The following NR2C1 variants were observed in gnomAD, a reference collection of about 807,000 sequenced individuals.
The protein encoded by NR2C1 is TR2 nuclear hormone receptor.
Under a neutral mutation model 74.8 loss-of-function variants are expected in NR2C1, and 33 were observed. The ratio of observed to expected loss-of-function variants is 0.44; its 90% confidence interval spans 0.33 to 0.59. NR2C1 has a LOEUF of 0.59. Among genes scored for constraint, NR2C1 ranks in the 20% least tolerant of loss-of-function variants. The pLI, the probability that NR2C1 is intolerant of heterozygous loss-of-function variation, is 0.02. For missense variants in NR2C1, 568 were observed against 715.6 expected (o/e 0.79, Z 2.35); for synonymous variants, 225 against 240.6 (o/e 0.94, Z 0.60).
At chr12:95,059,532 T>G (rs1592781410) in intron 4 of NR2C1, among the ~76,000 whole-genome samples, 1 of 151,764 alleles carries the variant, frequency 6.6e-6, no homozygotes, top group South Asian at 2.1e-4. Flanking sequence ...GCCAACATGG[T>G]GAAACTCCAT....
chr12:95,063,103 TAATA>T (rs1183253163), intron 2 of NR2C1, among the ~76,000 whole-genome samples: 1 of 152,162 alleles, frequency 6.6e-6, no homozygotes, highest in Non-Finnish European at 1.5e-5. Flanking sequence ...GAAAGACAGA[TAATA>T]AATAAGCAAA....
chr12:95,057,775 T>C lies in NR2C1; in HGVS notation c.648A>G (p.Pro216=). 1 of 1,614,178 alleles carries C rather than the reference T, an allele frequency of 6.2e-7. No individual in the cohort carries two copies. The highest frequency in any genetic ancestry group is 1.1e-5 in the South Asian group (1 of 91,076). Residue 216 remains proline (P), a synonymous_variant, in exon 6 of 14, where the codon CCA becomes CCG. Coordinates refer to ENST00000333003, the MANE Select transcript of NR2C1 (RefSeq NM_003297.4). ...KIYIRKDLRS[P]LTATPTFVTD... ...TTACAAAAGTTGGAGTTGCAGTTAA[T>C]GGGCTACGAAGGTCCTTTCGGATAT...
Position 95,036,050 on chromosome 12 carries a change from G to A in NR2C1, c.1253+4426C>T, listed in dbSNP as rs113505862. 6.4e-3 allele frequency among the ~76,000 whole-genome samples: 980 copies of A among 152,248 alleles called. 15 individuals carry two copies. The highest frequency in any genetic ancestry group is 0.023 in the African/African-American group (938 of 41,540). ...TAAACCTCATTACACAATTTAGCAA[G>A]TGAAATGCTAAAGTCAGTAAATTTC... On this transcript the variant is annotated intron_variant, in intron 10 of 13. Transcript: ENST00000333003.
rs181394555 is a variant in NR2C1 at position 95,031,062 on chromosome 12, A to C, written c.1393+287T>G. On this transcript the variant is annotated intron_variant, in intron 11 of 13. Transcript: ENST00000333003. ...TAAAATATTTGACCACCTCTACATA[A>C]GCTCACCCTGGATTCTTTGATAGTT... Among the ~76,000 whole-genome samples, 10 of 152,350 alleles carry C rather than the reference A, an allele frequency of 6.6e-5. No homozygotes were observed. In the East Asian group the frequency reaches 1.7e-3, roughly 26 times the overall value.
intron 3 of NR2C1, among the ~76,000 whole-genome samples, chr12:95,061,329 A>G (rs1874751474): frequency 1.3e-5 from 2 of 152,248 alleles, no homozygotes; most frequent in Non-Finnish European, 1.5e-5. Context: ...AGTATTGCTC[A>G]TTAATTATAT....
intron 11 of NR2C1, 99 bp downstream of exon 11, chr12:95,031,250 T>C (rs1565836041): frequency 1.0e-6 from 1 of 998,710 alleles, no homozygotes; most frequent in Non-Finnish European, 1.4e-6. Flanking sequence ...CCTAAAACAC[T>C]AATATAATAA....
chr12:95,044,304 G>A (rs1266178711), intron 9 of NR2C1, among the ~76,000 whole-genome samples: 1 of 148,774 alleles, frequency 6.7e-6, no homozygotes, highest in African/African-American at 2.5e-5. Context: ...GTCTTGCTCT[G>A]TCGCCCAGGC....
intron 9 of NR2C1, 93 bp downstream of exon 9, chr12:95,048,975 C>G: frequency 8.3e-7 from 1 of 1,198,774 alleles, no homozygotes; most frequent in Admixed American, 1.9e-5. Context: ...ATATTTCTGA[C>G]TTTAAAAGCA....
chr12:95,022,361 C>A lies in NR2C1; in HGVS notation c.1680G>T (p.Met560Ile), dbSNP rs192028089. The A allele has an allele frequency of 5.6e-6, 9 of 1,613,286 alleles. No homozygotes were observed. The highest frequency in any genetic ancestry group is 1.7e-4 in the Middle Eastern group (1 of 6,058). ...LLLRLPALRLMNATITEELFF... is the reference protein window; with the variant it reads ...LLLRLPALRLINATITEELFF... Reference sequence around the variant, plus strand: ...ACAATTCTTCAGTGATGGTAGCATTCATCAGTCTTAAAGCTGGCAATCTGA... The same window carrying A: ...ACAATTCTTCAGTGATGGTAGCATTAATCAGTCTTAAAGCTGGCAATCTGA... The change falls in exon 14 of 14, where the codon ATG becomes ATT. Residue 560 changes from methionine (M) to isoleucine (I), a missense_variant. By Grantham distance (10) the Met-to-Ile change is conservative. Around this residue, in one of 6 missense-constraint regions of NR2C1, gnomAD observed 117 missense variants for 186.7 expected, o/e 0.63. Transcript: ENST00000333003.
chr12:95,043,444 T>C (rs938802150), intron 9 of NR2C1, among the ~76,000 whole-genome samples: 5 of 152,078 alleles, frequency 3.3e-5, no homozygotes, highest in African/African-American at 1.2e-4. Context: ...ATCCCAGCAC[T>C]CTGGGAGGCC....
chr12:95,036,646 G>T lies in NR2C1; in HGVS notation c.1253+3830C>A, dbSNP rs147864638. 7.1e-3 allele frequency among the ~76,000 whole-genome samples: 1,081 copies of T among 152,014 alleles called. 12 individuals carry two copies. Among genetic ancestry groups the T allele is most frequent in the African/African-American group, 0.023 (966 of 41,426 alleles). Reference sequence around the variant, plus strand: ...CTGCCTCAGCCTCCTGCGTAGCTGGGATTACAGGCAGCTGCCACCATGCCT... The same window carrying T: ...CTGCCTCAGCCTCCTGCGTAGCTGGTATTACAGGCAGCTGCCACCATGCCT... On this transcript the variant is annotated intron_variant, in intron 10 of 13. Transcript: ENST00000333003.
intron 1 of NR2C1, chr12:95,073,093 G>A (rs1021493365): frequency 2.0e-5 from 3 of 152,328 alleles, no homozygotes; most frequent in Admixed American, 6.5e-5. Context: ...AAGCGCAGCT[G>A]GAAAGGGGGT....
chr12:95,056,960 A>G (rs1565865891), intron 7 of NR2C1, among the ~76,000 whole-genome samples: 1 of 138,866 alleles, frequency 7.2e-6, no homozygotes. Context: ...CTCCATCTCA[A>G]AAAAAAAAAA....
rs994889566 is a variant in NR2C1, at chr12:95,073,467, G to C, written c.-95C>G. 6.6e-6 allele frequency: 1 copy of C among 152,354 alleles called. No individual in the cohort carries two copies. Among genetic ancestry groups the C allele is most frequent in the African/African-American group, 2.4e-5 (1 of 41,494 alleles). The allele number at this position is 152,354 out of a possible 1,614,324, so 9.4% of individuals were successfully genotyped here. A position where few individuals can be genotyped will look rare whatever the true frequency, so the allele number is the denominator to read the frequency against. On this transcript the variant is annotated 5_prime_UTR_variant, in exon 1 of 14. Transcript: ENST00000333003. ...ACTCGTGGATTGGGGGGCGCTCCGG[G>C]AAGAGAGGTTGAAGAAAGCCGACGG...
intron 8 of NR2C1, 64 bp from the exon 9 acceptor site, chr12:95,049,297 T>A: frequency 6.7e-7 from 1 of 1,500,564 alleles, no homozygotes; most frequent in Non-Finnish European, 9.1e-7. Flanking sequence ...CAATTCTACA[T>A]AGGATTCTGG....
intron 9 of NR2C1, among the ~76,000 whole-genome samples, chr12:95,048,397 ATACT>A (rs1872569847): frequency 6.6e-6 from 1 of 152,242 alleles, no homozygotes; most frequent in Non-Finnish European, 1.5e-5. Context: ...ATGAATGCCA[ATACT>A]TAAAGTTTAA....
rs1052470164 is a variant in NR2C1, at chr12:95,031,485, T to C, written c.1257A>G (p.Gln419=). ...CTTTCACCAGTGATATGCTGTTTTC[T>C]TGCCTATTAAAAACAGTAATAAAAG... ...LSIPSFQALG[Q]ENSISLVKAY... is the part of the protein sequence containing the mutation. Residue 419 remains glutamine, a synonymous_variant, in exon 11 of 14, where the codon CAA becomes CAG. Coordinates refer to ENST00000333003, the MANE Select transcript of NR2C1 (RefSeq NM_003297.4). The C allele has an allele frequency of 6.3e-7, 1 of 1,587,168 alleles. No homozygotes were observed. Among genetic ancestry groups the C allele is most frequent in the Non-Finnish European group, 8.5e-7 (1 of 1,170,534 alleles).
At chr12:95,063,428 C>T (rs896421435) in intron 2 of NR2C1, among the ~76,000 whole-genome samples, 1 of 152,170 alleles carries the variant, frequency 6.6e-6, no homozygotes, top group Non-Finnish European at 1.5e-5. Context: ...AATATGGGAT[C>T]TGAGTGACAG....
rs531319579 is a variant in NR2C1, at chr12:95,067,138, C to G, written c.54+193G>C. The G allele has an allele frequency of 1.8e-5, 11 of 606,868 alleles. No homozygotes were observed. The African/African-American group carries it at 1.9e-4, about 10-fold the overall frequency. The allele number at this position is 606,868 out of a possible 1,614,324, so 37.6% of individuals were successfully genotyped here. A position where few individuals can be genotyped will look rare whatever the true frequency, so the allele number is the denominator to read the frequency against. Reference sequence around the variant, plus strand: ...TTCTGTGCTCCCATTGCACCTGATACAATGACCTGTCACAGAACTTACCAC... The same window carrying G: ...TTCTGTGCTCCCATTGCACCTGATAGAATGACCTGTCACAGAACTTACCAC... On this transcript the variant is annotated intron_variant, in intron 2 of 13. Transcript: ENST00000333003.
Sources: allele counts gnomAD v4.1 joint callset (sites outside exome capture counted in the v4.1 genomes callset), GRCh38; gene constraint gnomAD v4.1.1; regional missense constraint gnomAD v4.1.1; transcripts MANE v1.5; gene names NCBI Gene and HGNC (gene_info 2026-07-23, HGNC 2026-07-21).